FGD3: variants seen among roughly 807,000 people sequenced by gnomAD.
FGD3 encodes the protein FYVE, RhoGEF and PH domain containing 3, also known as FYVE, RhoGEF and PH domain-containing protein 3.
In FGD3, 45 loss-of-function variants were observed where a neutral mutation model predicts 71.8. The observed-to-expected ratio is 0.63, with a 90% CI of 0.49 to 0.80. The LOEUF (loss-of-function observed/expected upper bound fraction) is 0.80. FGD3 is among the 30% of genes least tolerant of loss of function. The probability of loss-of-function intolerance (pLI) is 0.00; values close to 1 mark genes in which losing one functional copy is unlikely to be tolerated. For missense variants in FGD3, 844 were observed against 951.5 expected (o/e 0.89, Z 1.49); for synonymous variants, 378 against 392.8 (o/e 0.96, Z 0.44).
chr9:92,984,419 G>C (rs1860113759), intron 3 of FGD3, among the ~76,000 whole-genome samples: 3 of 152,266 alleles, frequency 2.0e-5, no homozygotes, highest in Admixed American at 2.0e-4. Context: ...GGAAGTTATG[G>C]TTTATACTAC....
In FGD3 at chr9:92,976,232, G is replaced by A. The variant is rs769612707; in HGVS notation, c.-25G>A. 91 of 1,524,146 alleles carry A rather than the reference G, an allele frequency of 6.0e-5. 1 individual carries two copies. The highest frequency in any genetic ancestry group is 1.9e-4 in the Middle Eastern group (1 of 5,170). 94.4% of individuals were successfully genotyped at this position (1,524,146 alleles called of 1,614,324 possible). On this transcript the variant is annotated 5_prime_UTR_variant, in exon 3 of 18. Transcript: ENST00000375482. ...GGAAGCCCCTGGCCAGCCTCCACCT[G>A]AGCCCAGTGAGCTCAGCTTTAAGGA...
intron 3 of FGD3, among the ~76,000 whole-genome samples, chr9:92,985,416 C>G (rs1360947087): frequency 6.6e-6 from 1 of 152,152 alleles, no homozygotes; most frequent in African/African-American, 2.4e-5. Context: ...TATTTCTTCC[C>G]AGTTAATTTT....
At chr9:92,994,055 T>C (rs555204295) in intron 3 of FGD3, among the ~76,000 whole-genome samples, 21 of 152,360 alleles carry the variant, frequency 1.4e-4, no homozygotes, top group African/African-American at 4.3e-4. Flanking sequence ...TCTTCCACAA[T>C]GGTTGAACTA....
chr9:92,967,677 C>T (rs1246597940), intron 1 of FGD3, among the ~76,000 whole-genome samples: 1 of 152,180 alleles, frequency 6.6e-6, no homozygotes, highest in African/African-American at 2.4e-5. Flanking sequence ...CAGGTTCAAG[C>T]TATTCTCCTG....
Position 93,004,092 on chromosome 9 carries a change from G to A in FGD3, c.635G>A (p.Gly212Glu). The A allele has an allele frequency of 6.2e-7, 1 of 1,614,128 alleles. No homozygotes were observed. The highest frequency in any genetic ancestry group is 8.5e-7 in the Non-Finnish European group (1 of 1,180,042). ...ATCTCCTCCATCCACCGCTTCCACGGGCAGTTCCTGCTGCCGGAGCTGAAG... is the reference window on the plus strand; with the variant it reads ...ATCTCCTCCATCCACCGCTTCCACGAGCAGTTCCTGCTGCCGGAGCTGAAG... ...SNISSIHRFH[G>E]QFLLPELKTR... Residue 212 changes from glycine (G) to glutamate (E), a missense_variant, in exon 5 of 18, where the codon GGG (glycine) becomes GAG (glutamate). Physicochemically the swap from Gly to Glu is moderately conservative, Grantham distance 98. Coordinates refer to ENST00000375482, the MANE Select transcript of FGD3 (RefSeq NM_001083536.2).
At chr9:92,957,908 C>A (rs190930277) in intron 1 of FGD3, among the ~76,000 whole-genome samples, 1 of 151,676 alleles carries the variant, frequency 6.6e-6, no homozygotes, top group Non-Finnish European at 1.5e-5. Flanking sequence ...CTTGAACTCC[C>A]GACCTCAGGT....
chr9:92,971,485 T>C (rs1265217744), intron 1 of FGD3, among the ~76,000 whole-genome samples: 1 of 151,706 alleles, frequency 6.6e-6, no homozygotes, highest in Non-Finnish European at 1.5e-5. Context: ...AAAATGATGC[T>C]TAGGAATGTC....
Position 92,985,571 on chromosome 9 carries a change from C to T in FGD3, c.453+8862C>T, listed in dbSNP as rs1217466481. On this transcript the variant is annotated intron_variant, in intron 3 of 17. Coordinates refer to ENST00000375482, the MANE Select transcript of FGD3 (RefSeq NM_001083536.2). Reference sequence around the variant, plus strand: ...TTAGCTCACTGTAACCTCTGCCTCCCGAGTTCAAGTGATTCTCCTGCCTCA... The same window carrying T: ...TTAGCTCACTGTAACCTCTGCCTCCTGAGTTCAAGTGATTCTCCTGCCTCA... 3.9e-5 allele frequency among the ~76,000 whole-genome samples: 6 copies of T among 152,184 alleles called. No individual in the cohort carries two copies. The South Asian group carries it at 8.3e-4, about 21-fold the overall frequency.
At position 93,019,179 on chromosome 9, in the gene FGD3, T is replaced by C. The variant is rs1861819928; in HGVS notation, c.1356-652T>C. Among the ~76,000 whole-genome samples the C allele has an allele frequency of 2.0e-5, 3 of 152,186 alleles. No homozygotes were observed. The South Asian group carries it at 6.2e-4, about 31-fold the overall frequency. ...CTAGGATTTTCTATGCACATGCACA[T>C]ATATCTATGTTTTAAATCACAGATG... On this transcript the variant is annotated intron_variant, in intron 11 of 17. Transcript: ENST00000375482.
In FGD3 at chr9:93,012,693, G is replaced by GT. The variant is rs985574576; in HGVS notation, c.1036-1158dup. On this transcript the variant is annotated intron_variant, in intron 8 of 17. Transcript: ENST00000375482. ...CACCAGGTGTGGGCGGTGGCGGGGT[G>GT]TGGGGGGGGGAAGAATCAATCTACA... Among the ~76,000 whole-genome samples, 37 of 96,798 alleles carry GT rather than the reference G, an allele frequency of 3.8e-4. 2 individuals carry two copies. The highest frequency in any genetic ancestry group is 3.0e-3 in the Admixed American group (29 of 9,712). The allele number at this position is 96,798 out of a possible 152,430, so 63.5% of individuals were successfully genotyped here.
chr9:93,010,530 A>AGAGACT (rs2118734363), intron 7 of FGD3, 146 bp downstream of exon 7: 1 of 870,214 alleles, frequency 1.1e-6, no homozygotes, highest in Non-Finnish European at 1.6e-6. Context: ...AGACAGAGAC[A>AGAGACT]GAGGCAGGGG....
intron 3 of FGD3, among the ~76,000 whole-genome samples, chr9:92,993,337 G>A (rs1399179453): frequency 1.3e-5 from 2 of 152,092 alleles, no homozygotes; most frequent in African/African-American, 2.4e-5. Context: ...GTTACCATTT[G>A]AATGAAGTAT....
chr9:92,961,672 C>T (rs1056996499), intron 1 of FGD3, among the ~76,000 whole-genome samples: 3 of 152,168 alleles, frequency 2.0e-5, no homozygotes, highest in Non-Finnish European at 4.4e-5. Flanking sequence ...GCTTGGGGAC[C>T]TCTCATGAGG....
intron 1 of FGD3, among the ~76,000 whole-genome samples, chr9:92,953,667 G>T (rs1858999342): frequency 6.6e-6 from 1 of 152,206 alleles, no homozygotes; most frequent in Non-Finnish European, 1.5e-5. Context: ...ATCTGGGCTT[G>T]TCCACTCTCC....
At chr9:93,034,313 G>A (rs1332813742) in intron 16 of FGD3, 2 of 486,586 alleles carry the variant, frequency 4.1e-6, no homozygotes, top group Non-Finnish European at 7.1e-6. Flanking sequence ...TCCCCTTGGA[G>A]GGCCCAGCCT....
At chr9:92,948,310 G>A (rs1858892952) in intron 1 of FGD3, among the ~76,000 whole-genome samples, 1 of 152,260 alleles carries the variant, frequency 6.6e-6, no homozygotes, top group African/African-American at 2.4e-5. Flanking sequence ...TATAAAACCA[G>A]GGCGAAAGCG....
intron 13 of FGD3, 72 bp downstream of exon 13, chr9:93,020,496 C>A: frequency 7.4e-7 from 1 of 1,355,084 alleles, no homozygotes; most frequent in Non-Finnish European, 1.0e-6. Context: ...AAGGCACTGG[C>A]GTCTGGGTGG....
intron 16 of FGD3, 95 bp from the exon 17 acceptor site, chr9:93,034,446 C>G: frequency 6.8e-7 from 1 of 1,463,620 alleles, no homozygotes; most frequent in Non-Finnish European, 9.1e-7. Context: ...GCCAGCTCCC[C>G]CCAAGCAGTG....
At chr9:93,032,459 C>G (rs1862391020) in intron 15 of FGD3, 2 of 301,112 alleles carry the variant, frequency 6.6e-6, no homozygotes, top group Non-Finnish European at 1.3e-5. Context: ...TCCCTGATGG[C>G]CAGTGATGGG....
Sources: gnomAD v4.1 joint callset for allele counts (sites outside exome capture counted in the v4.1 genomes callset) on GRCh38, gnomAD v4.1.1 for gene constraint, MANE v1.5 for transcripts, NCBI Gene and HGNC (gene_info 2026-07-23, HGNC 2026-07-21) for gene names.